The following ZNF300 variants were observed in gnomAD, a reference collection of about 807,000 sequenced individuals.
ZNF300 encodes zinc finger protein 300, also known as kruppel-like zinc finger protein.
Under a neutral mutation model 13.9 loss-of-function variants are expected in ZNF300, and 6 were observed. That is an observed-to-expected ratio of 0.43 (90% CI 0.24 to 0.85). ZNF300 has a LOEUF of 0.85. Ranked by LOEUF, ZNF300 falls within the 40% of genes least tolerant of loss-of-function variation. The pLI is 0.25. For missense variants in ZNF300, 662 were observed against 714.2 expected (o/e 0.93, Z 0.83); for synonymous variants, 237 against 242.2 (o/e 0.98, Z 0.20).
chr5:150,901,477 A>G (rs1366368386), intron 3 of ZNF300, among the ~76,000 whole-genome samples: 1 of 152,212 alleles, frequency 6.6e-6, no homozygotes, highest in East Asian at 1.9e-4. Flanking sequence ...GCTGATGGCT[A>G]CTATATTAGA....
rs1412706366 is a variant in ZNF300, at chr5:150,898,436, A to G, written c.134T>C (p.Val45Ala). ...DVMLENYSHL[V>A]SMGYPVSKPD... is the part of the protein sequence containing the mutation. ...AGGGAAGCCATCCTTACCCATTGAG[A>G]CCAGGTGGCTGTAGTTCTCCAGCAT... Residue 45 changes from valine to alanine, a missense_variant, in exon 4 of 6, where the codon GTC (valine) becomes GCC (alanine). Transcript: ENST00000274599. 1 of 1,613,262 alleles carries G rather than the reference A, an allele frequency of 6.2e-7. No homozygotes were observed. The highest frequency in any genetic ancestry group is 8.5e-7 in the Non-Finnish European group (1 of 1,179,566).
chr5:150,896,927 T>C lies in ZNF300; in HGVS notation c.312A>G (p.Thr104=), dbSNP rs144492882. 26 of 1,613,280 alleles carry C rather than the reference T, an allele frequency of 1.6e-5. No homozygotes were observed. The African/African-American group carries it at 2.8e-4, about 17-fold the overall frequency. ...TCAGTATCTTATGATGGAAGGAAACTGTCCCCAAAATACATGACTGGGAGT... is the reference window on the plus strand; with the variant it reads ...TCAGTATCTTATGATGGAAGGAAACCGTCCCCAAAATACATGACTGGGAGT... ...LHNSQSCILG[T]VSFHHKILKG... is the part of the protein sequence containing the mutation. The change falls in exon 6 of 6, where the codon ACA becomes ACG. Residue 104 remains threonine (T), a synonymous_variant. Transcript: ENST00000274599.
chr5:150,898,219 C>T (rs1754867060), intron 4 of ZNF300, 35 bp from the exon 5 acceptor site: 9 of 1,610,562 alleles, frequency 5.6e-6, no homozygotes, highest in Non-Finnish European at 7.6e-6. Flanking sequence ...TTGAGATTGA[C>T]TGCACTGAAG....
intron 5 of ZNF300, chr5:150,897,387 CATCT>C (rs1255372818): frequency 1.3e-5 from 2 of 159,004 alleles, no homozygotes; most frequent in East Asian, 3.7e-4. Context: ...AACTCTCCTC[CATCT>C]ATTTTCCTAA....
chr5:150,903,416 T>C, intron 2 of ZNF300: 1 of 1,468,472 alleles, frequency 6.8e-7, no homozygotes, highest in Non-Finnish European at 9.2e-7. Flanking sequence ...TTGACCAAGG[T>C]TTTATAATTG....
In ZNF300 at chr5:150,898,117, C is replaced by T. The variant is rs1273621547; in HGVS notation, c.210G>A (p.Lys70=). 1.2e-6 allele frequency: 2 copies of T among 1,613,598 alleles called. No individual in the cohort carries two copies. Among genetic ancestry groups the T allele is most frequent in the Non-Finnish European group, 1.7e-6 (2 of 1,179,710 alleles). The part of the protein sequence containing the change: ...LEQGEEPWII[K]GDISNWIYPD... Reference sequence around the variant, plus strand: ...GATAGATCCAATTTGATATGTCTCCCTTTATGATCCATGGCTCTTCTCCTT... The same window carrying T: ...GATAGATCCAATTTGATATGTCTCCTTTTATGATCCATGGCTCTTCTCCTT... The change falls in exon 5 of 6, where the codon AAG becomes AAA. Residue 70 remains lysine, a synonymous_variant. Transcript: ENST00000274599.
Position 150,896,621 on chromosome 5 carries a change from GCT to G in ZNF300, c.616_617del (p.Ser206GlnfsTer7). The G allele has an allele frequency of 6.2e-7, 1 of 1,613,412 alleles. No individual in the cohort carries two copies. The highest frequency in any genetic ancestry group is 2.2e-5 in the East Asian group (1 of 44,840). On this transcript the variant is annotated frameshift_variant, in exon 6 of 6. Coordinates refer to ENST00000274599, the MANE Select transcript of ZNF300 (RefSeq NM_052860.4). LOFTEE classifies it low-confidence loss of function (END_TRUNC). Reference protein sequence around the residue: ...PNIDLPSCYKSNSRKKPDQSF... With the variant: ...PNIDLPSCYKXNSRKKPDQSF... ...TCTGATCAGGTTTTTTTCTTGAATTGCTCTTATAACAACTCGGTAGGTCAATA... is the reference window on the plus strand; with the variant it reads ...TCTGATCAGGTTTTTTTCTTGAATTGCTTATAACAACTCGGTAGGTCAATA...
In ZNF300 at chr5:150,896,350, A is replaced by G; in HGVS notation, c.889T>C (p.Tyr297His). 6.2e-7 allele frequency: 1 copy of G among 1,613,634 alleles called. No individual in the cohort carries two copies. Among genetic ancestry groups the G allele is most frequent in the East Asian group, 2.2e-5 (1 of 44,870 alleles). Residue 297 changes from tyrosine (Y) to histidine (H), a missense_variant, in exon 6 of 6, where the codon TAT (tyrosine) becomes CAT (histidine). By Grantham distance (83) the Tyr-to-His change is moderately conservative. Transcript: ENST00000274599. The stretch of plus-strand genomic sequence containing the variant: ...GCTTTTCCGCATGCACCACAATCAT[A>G]TGGTTTCTTTCCAGTATGAATTCTT... ...HQRIHTGKKPYDCGACGKAFS... is the reference protein window; with the variant it reads ...HQRIHTGKKPHDCGACGKAFS...
At chr5:150,904,332 A>G (rs1316345625) in intron 1 of ZNF300, among the ~76,000 whole-genome samples, 1 of 152,106 alleles carries the variant, frequency 6.6e-6, no homozygotes, top group Admixed American at 6.5e-5. Context: ...CCGTGGCCCC[A>G]TTACTGTCCC....
In ZNF300 at chr5:150,895,433, T is replaced by C; in HGVS notation, c.1806A>G (p.Val602=). ...LTVHQRIHTV[V]KS ...TTCTGTGGCCAGTTCATTATGATTT[T>C]ACCACTGTGTGAATTCTCTGGTGTA... Residue 602 remains valine (V), a synonymous_variant, in exon 6 of 6, where the codon GTA becomes GTG. Coordinates refer to ENST00000274599, the MANE Select transcript of ZNF300 (RefSeq NM_052860.4). 1 of 1,599,854 alleles carries C rather than the reference T, an allele frequency of 6.3e-7. No homozygotes were observed. The highest frequency in any genetic ancestry group is 1.3e-5 in the African/African-American group (1 of 74,648).
chr5:150,897,058 ATAG>A (rs1754818141), intron 5 of ZNF300, 85 bp from the exon 6 acceptor site: 2 of 1,057,906 alleles, frequency 1.9e-6, no homozygotes, highest in Non-Finnish European at 2.7e-6. Context: ...ATGATCCAAC[ATAG>A]TAGATGAACT....
At chr5:150,902,034 T>C (rs1046000617) in intron 3 of ZNF300, among the ~76,000 whole-genome samples, 1 of 152,144 alleles carries the variant, frequency 6.6e-6, no homozygotes, top group South Asian at 2.1e-4. Context: ...CACAGTTATA[T>C]TCATATCAAA....
chr5:150,898,953 A>G (rs1182920283), intron 3 of ZNF300, among the ~76,000 whole-genome samples: 1 of 152,100 alleles, frequency 6.6e-6, no homozygotes, highest in Non-Finnish European at 1.5e-5. Flanking sequence ...ACTTGGAAAC[A>G]GGGTCATTGC....
Position 150,898,461 on chromosome 5 carries a change from T to C in ZNF300, c.109A>G (p.Met37Val). 1 of 1,613,438 alleles carries C rather than the reference T, an allele frequency of 6.2e-7. No homozygotes were observed. Among genetic ancestry groups the C allele is most frequent in the Non-Finnish European group, 8.5e-7 (1 of 1,179,586 alleles). ...ACCAGGTGGCTGTAGTTCTCCAGCATCACATCCCTGTACAGGGTCCTCTGA... is the reference window on the plus strand; with the variant it reads ...ACCAGGTGGCTGTAGTTCTCCAGCACCACATCCCTGTACAGGGTCCTCTGA... ...PSQRTLYRDVMLENYSHLVSM... is the reference protein window; with the variant it reads ...PSQRTLYRDVVLENYSHLVSM... The change falls in exon 4 of 6, where the codon ATG becomes GTG. Residue 37 changes from methionine to valine, a missense_variant. By Grantham distance (21) the Met-to-Val change is conservative (BLOSUM62 1). Coordinates refer to ENST00000274599, the MANE Select transcript of ZNF300 (RefSeq NM_052860.4).
Position 150,894,507 on chromosome 5 carries a change from A to G in ZNF300, c.*917T>C, listed in dbSNP as rs544362428. ...AAGGCCACCAGGATCAGAAGACAGT[A>G]AAATGAGCCACTTATAGGGATAGGC... is the stretch of plus-strand genomic sequence containing the variant. On this transcript the variant is annotated 3_prime_UTR_variant, in exon 6 of 6. Transcript: ENST00000274599. 9.4e-4 allele frequency: 144 copies of G among 152,426 alleles called. No homozygotes were observed. The highest frequency in any genetic ancestry group is 1.7e-3 in the Non-Finnish European group (118 of 68,030). 9.4% of individuals were successfully genotyped at this position (152,426 alleles called of 1,614,324 possible). A position where few individuals can be genotyped will look rare whatever the true frequency, so the allele number is the denominator to read the frequency against.
Position 150,896,821 on chromosome 5 carries a change from T to C in ZNF300, c.418A>G (p.Asn140Asp), listed in dbSNP as rs771609792. 1 of 1,613,744 alleles carries C rather than the reference T, an allele frequency of 6.2e-7. No homozygotes were observed. Among genetic ancestry groups the C allele is most frequent in the South Asian group, 1.1e-5 (1 of 91,076 alleles). The stretch of plus-strand genomic sequence containing the variant: ...ACCTGCCTGAAGAGTTTGTCTTGAT[T>C]CTCTAGAAATCTCTGCAGCTGACCA... ...GDGQLQRFLE[N>D]QDKLFRQVTF... The change falls in exon 6 of 6, where the codon AAT becomes GAT. Residue 140 changes from asparagine (N) to aspartate (D), a missense_variant. Coordinates refer to ENST00000274599, the MANE Select transcript of ZNF300 (RefSeq NM_052860.4).
chr5:150,902,570 T>C (rs1426959576), intron 3 of ZNF300, among the ~76,000 whole-genome samples: 1 of 152,186 alleles, frequency 6.6e-6, no homozygotes, highest in Non-Finnish European at 1.5e-5. Context: ...AAAAAAGCTA[T>C]AGACAACATG....
rs1330823603 is a variant in ZNF300 at position 150,896,345 on chromosome 5, A to G, written c.894T>C (p.Asp298=). The change falls in exon 6 of 6, where the codon GAT becomes GAC. Residue 298 remains aspartate, a synonymous_variant. Transcript: ENST00000274599. ...TGAAGGCTTTTCCGCATGCACCACA[A>G]TCATATGGTTTCTTTCCAGTATGAA... ...QRIHTGKKPY[D]CGACGKAFSE... The G allele has an allele frequency of 2.5e-6, 4 of 1,613,634 alleles. No homozygotes were observed. The highest frequency in any genetic ancestry group is 3.4e-6 in the Non-Finnish European group (4 of 1,179,808).
rs777600043 is a variant in ZNF300 at position 150,895,799 on chromosome 5, G to A, written c.1440C>T (p.Leu480=). The A allele has an allele frequency of 5.6e-6, 9 of 1,613,552 alleles. No homozygotes were observed. The highest frequency in any genetic ancestry group is 4.4e-5 in the South Asian group (4 of 91,066). The stretch of plus-strand genomic sequence containing the variant: ...CAGTATGTGTTCTCTGATGTATGAT[G>A]AGCTGTGACTTGCGGGAGAATGTCT... The part of the protein sequence containing the change: ...CGKTFSRKSQ[L]IIHQRTHTGE... The change falls in exon 6 of 6, where the codon CTC becomes CTT. Residue 480 remains leucine (L), a synonymous_variant. Coordinates refer to ENST00000274599, the MANE Select transcript of ZNF300 (RefSeq NM_052860.4).
Sources: allele counts gnomAD v4.1 joint callset (sites outside exome capture counted in the v4.1 genomes callset), GRCh38; gene constraint gnomAD v4.1.1; transcripts MANE v1.5; gene names NCBI Gene and HGNC (gene_info 2026-07-23, HGNC 2026-07-21).